The following ARMC3 variants were observed in gnomAD, a reference collection of about 807,000 sequenced individuals.
The protein encoded by ARMC3 is armadillo repeat-containing protein 3.
Under a neutral mutation model 90.3 loss-of-function variants are expected in ARMC3, and 74 were observed. The ratio of observed to expected loss-of-function variants is 0.82; its 90% CI spans 0.68 to 0.99. The LOEUF (loss-of-function observed/expected upper bound fraction) is 0.99, where lower values mean the gene tolerates loss of function less well. Ranked by LOEUF, ARMC3 falls within the 50% of genes least tolerant of loss-of-function variation. The pLI is 0.00. For missense variants in ARMC3, 958 were observed against 1,042.8 expected (o/e 0.92, Z 1.12); for synonymous variants, 334 against 361.8 (o/e 0.92, Z 0.87).
At chr10:22,996,587 G>A (rs1158879223) in intron 10 of ARMC3, among the ~76,000 whole-genome samples, 1 of 152,178 alleles carries the variant, frequency 6.6e-6, no homozygotes, top group Non-Finnish European at 1.5e-5. Flanking sequence ...TGATGGACTG[G>A]TTTATATAAG....
At chr10:22,990,422 C>A (rs772575419) in intron 10 of ARMC3, among the ~76,000 whole-genome samples, 8 of 152,192 alleles carry the variant, frequency 5.3e-5, no homozygotes, top group Non-Finnish European at 1.0e-4. Flanking sequence ...TGCACACACA[C>A]AAGTTTTACA....
intron 2 of ARMC3, among the ~76,000 whole-genome samples, chr10:22,934,463 AG>A (rs2131131538): frequency 6.6e-6 from 1 of 152,328 alleles, no homozygotes; most frequent in Non-Finnish European, 1.5e-5. Flanking sequence ...TCTGGCCAAA[AG>A]GTTGTTTGTG....
At chr10:22,981,802 C>T in intron 10 of ARMC3, 102 bp downstream of exon 10, 1 of 998,420 alleles carries the variant, frequency 1.0e-6, no homozygotes, top group Admixed American at 2.1e-5. Context: ...CTATGAATTT[C>T]TTCAGATGGT....
chr10:22,949,882 A>C (rs1834676106), intron 3 of ARMC3, among the ~76,000 whole-genome samples: 2 of 152,188 alleles, frequency 1.3e-5, no homozygotes, highest in African/African-American at 4.8e-5. Flanking sequence ...AACATGTTAC[A>C]TTCAAATAAA....
chr10:22,949,438 C>T (rs1834656247), intron 3 of ARMC3, among the ~76,000 whole-genome samples: 1 of 152,168 alleles, frequency 6.6e-6, no homozygotes, highest in Admixed American at 6.5e-5. Context: ...CCAAATACAA[C>T]TTCTAGAGAT....
chr10:22,936,907 C>CT (rs1218830409), intron 2 of ARMC3, among the ~76,000 whole-genome samples: 2 of 152,022 alleles, frequency 1.3e-5, no homozygotes, highest in Non-Finnish European at 2.9e-5. Context: ...CCCATATTAT[C>CT]TTTTTTTCTT....
intron 8 of ARMC3, among the ~76,000 whole-genome samples, chr10:22,981,040 G>A (rs941414905): frequency 5.9e-5 from 9 of 152,138 alleles, no homozygotes; most frequent in Admixed American, 5.2e-4. Context: ...ACCAGGTCAG[G>A]TGCATGACAG....
intron 2 of ARMC3, among the ~76,000 whole-genome samples, chr10:22,937,151 C>A (rs1295172800): frequency 3.9e-5 from 6 of 152,176 alleles, no homozygotes; most frequent in Admixed American, 2.0e-4. Flanking sequence ...GATCTTCCCC[C>A]CTCGGCCTCC....
At chr10:23,026,891 T>C (rs1838736350) in intron 16 of ARMC3, among the ~76,000 whole-genome samples, 1 of 152,198 alleles carries the variant, frequency 6.6e-6, no homozygotes. Flanking sequence ...TTCCATTGAA[T>C]TGCTTTTGCA....
chr10:22,942,304 G>A (rs76389055), intron 2 of ARMC3, among the ~76,000 whole-genome samples: 8,822 of 152,116 alleles, frequency 0.058, 514 homozygotes, highest in African/African-American at 0.15. Context: ...CTGTGGGTGC[G>A]GCAGGAAACC....
intron 10 of ARMC3, among the ~76,000 whole-genome samples, chr10:22,982,742 TGTTA>T (rs1279922945): frequency 6.6e-6 from 1 of 152,248 alleles, no homozygotes; most frequent in Non-Finnish European, 1.5e-5. Context: ...TCATTTGGTA[TGTTA>T]GTTAGCTTTC....
chr10:22,962,161 C>T lies in ARMC3; in HGVS notation c.732+83C>T, dbSNP rs376204022. The T allele has an allele frequency of 1.3e-3, 1,352 of 1,054,020 alleles. 24 individuals are homozygous for T. In the South Asian group the frequency reaches 0.03, roughly 23 times the overall value. The allele number at this position is 1,054,020 out of a possible 1,614,324, so 65.3% of individuals were successfully genotyped here. ...AAAAATGAAATTTTATTATACTTAA[C>T]GTGTATTAAGTGTAATAGATTAATT... On this transcript the variant is annotated intron_variant, in intron 7 of 18. Transcript: ENST00000298032.
chr10:23,005,989 T>C (rs1837591681), intron 13 of ARMC3, among the ~76,000 whole-genome samples: 1 of 152,064 alleles, frequency 6.6e-6, no homozygotes, highest in African/African-American at 2.4e-5. Context: ...TTTTAGAAGT[T>C]GCAGTCAGGT....
rs1349059552 is a variant in ARMC3 at position 22,961,971 on chromosome 10, T to C, written c.625T>C (p.Leu209=). 1.2e-6 allele frequency: 2 copies of C among 1,612,704 alleles called. No homozygotes were observed. Among genetic ancestry groups the C allele is most frequent in the Non-Finnish European group, 8.5e-7 (1 of 1,179,152 alleles). Residue 209 remains leucine, a synonymous_variant, in exon 7 of 19, where the codon TTG becomes CTG. Coordinates refer to ENST00000298032, the MANE Select transcript of ARMC3 (RefSeq NM_173081.5). ...LLKSEYPVIQ[L]LALKTLGVIA... is the part of the protein sequence containing the mutation. ...GAAGTCAGAATATCCAGTGATTCAG[T>C]TGTTGGCTCTCAAAACCTTAGGTGT...
chr10:23,022,339 T>G (rs1171788840), intron 16 of ARMC3, among the ~76,000 whole-genome samples: 2 of 152,208 alleles, frequency 1.3e-5, no homozygotes, highest in African/African-American at 4.8e-5. Flanking sequence ...AAAAATCACT[T>G]GATGACTTCC....
At chr10:23,012,599 C>G (rs926272398) in intron 16 of ARMC3, among the ~76,000 whole-genome samples, 2 of 152,126 alleles carry the variant, frequency 1.3e-5, no homozygotes, top group Non-Finnish European at 2.9e-5. Context: ...CTTCCCTGTG[C>G]TTGTTCATGT....
At chr10:22,962,125 C>A in intron 7 of ARMC3, 47 bp downstream of exon 7, 2 of 1,339,272 alleles carry the variant, frequency 1.5e-6, no homozygotes, top group East Asian at 2.6e-5. Context: ...ATGTATCTCT[C>A]CCAAATGTTT....
Position 23,008,802 on chromosome 10 carries a change from TTCAA to T in ARMC3, c.1929-12_1929-9del. ...TGATTGAAATTGGTTGTGGTTTTTTTTCAAATGACAAGAAAAAATAGTTATCATT... is the reference window on the plus strand; with the variant it reads ...TGATTGAAATTGGTTGTGGTTTTTTTATGACAAGAAAAAATAGTTATCATT... On this transcript the variant is annotated splice_polypyrimidine_tract_variant and intron_variant, in intron 15 of 18. Transcript: ENST00000298032. 1 of 1,602,394 alleles carries T rather than the reference TTCAA, an allele frequency of 6.2e-7. No individual in the cohort carries two copies. The highest frequency in any genetic ancestry group is 8.5e-7 in the Non-Finnish European group (1 of 1,170,950).
chr10:22,959,651 CT>C, intron 6 of ARMC3, 77 bp downstream of exon 6: 1 of 1,420,910 alleles, frequency 7.0e-7, no homozygotes, highest in Non-Finnish European at 9.4e-7. Context: ...TAGAAAAAAG[CT>C]TTTAAAAATG....
Sources: gnomAD v4.1 joint callset for allele counts (sites outside exome capture counted in the v4.1 genomes callset) on GRCh38, gnomAD v4.1.1 for gene constraint, MANE v1.5 for transcripts, NCBI Gene and HGNC (gene_info 2026-07-23, HGNC 2026-07-21) for gene names.